The following MYRFL variants were observed in gnomAD, a reference collection of about 807,000 sequenced individuals.
MYRFL encodes myelin regulatory factor like.
In MYRFL, 88 loss-of-function variants were observed where a neutral mutation model predicts 109.4. That is an observed-to-expected ratio of 0.80 (90% CI 0.68 to 0.96). MYRFL has a LOEUF of 0.96. Among genes scored for constraint, MYRFL ranks in the 40% least tolerant of loss-of-function variants. The pLI, the probability that MYRFL is intolerant of heterozygous loss-of-function variation, is 0.00. For missense variants in MYRFL, 957 were observed against 954.9 expected, an observed-to-expected ratio of 1.00 and a Z score of -0.03; for synonymous variants, 324 against 320.9, an observed-to-expected ratio of 1.01 and a Z score of -0.10.
intron 15 of MYRFL, among the ~76,000 whole-genome samples, chr12:69,931,960 A>G (rs1430389773): frequency 6.6e-6 from 1 of 152,266 alleles, no homozygotes. Context: ...ATGAGAACAA[A>G]TAAGACACAG....
At position 69,957,827 on chromosome 12, in the gene MYRFL, C is replaced by T. The variant is rs1317069209; in HGVS notation, c.2456C>T (p.Thr819Ile). The T allele has an allele frequency of 6.5e-7, 1 of 1,529,946 alleles. No individual in the cohort carries two copies. Among genetic ancestry groups the T allele is most frequent in the Non-Finnish European group, 8.8e-7 (1 of 1,142,194 alleles). 94.8% of individuals were successfully genotyped at this position (1,529,946 alleles called of 1,614,324 possible). A position where few individuals can be genotyped will look rare whatever the true frequency, so the allele number is the denominator to read the frequency against. The change falls in exon 23 of 25, where the codon ACA (threonine) becomes ATA (isoleucine). Residue 819 changes from threonine (T) to isoleucine (I), a missense_variant. By Grantham distance (89) the Thr-to-Ile change is moderately conservative. Transcript: ENST00000552032. ...CTTTTCTTTGTCTCTTGAAGCACAA[C>T]AGAGCCATTGATAGTCTTCCAGTGC... ...NVKFSLEINTTEPLIVFQCKF... is the reference protein window; with the variant it reads ...NVKFSLEINTIEPLIVFQCKF...
Position 69,958,620 on chromosome 12 carries a change from T to C in MYRFL, c.*89T>C. Reference sequence around the variant, plus strand: ...CATCCTCTTGCAACTTCTTTTTTCTTCTTTGTAAAACATTTACGTTTATTG... The same window carrying C: ...CATCCTCTTGCAACTTCTTTTTTCTCCTTTGTAAAACATTTACGTTTATTG... On this transcript the variant is annotated 3_prime_UTR_variant, in exon 25 of 25. Transcript: ENST00000552032. The C allele has an allele frequency of 1.0e-6, 1 of 994,148 alleles. No individual in the cohort carries two copies. The highest frequency in any genetic ancestry group is 1.6e-5 in the South Asian group (1 of 63,392). 61.6% of individuals were successfully genotyped at this position (994,148 alleles called of 1,614,324 possible). A position where few individuals can be genotyped will look rare whatever the true frequency, so the allele number is the denominator to read the frequency against.
intron 13 of MYRFL, among the ~76,000 whole-genome samples, chr12:69,922,323 A>G (rs10161098): frequency 0.12 from 17,884 of 152,170 alleles, 1,437 homozygotes; most frequent in African/African-American, 0.23. Context: ...CTATCTTCAT[A>G]ATTTCTGCCT....
intron 8 of MYRFL, among the ~76,000 whole-genome samples, 192 bp from the exon 9 acceptor site, chr12:69,895,179 C>T (rs1409826665): frequency 6.6e-6 from 1 of 152,166 alleles, no homozygotes; most frequent in Non-Finnish European, 1.5e-5. Flanking sequence ...TATTCCATGG[C>T]CTTCCTGGCA....
chr12:69,878,242 C>CAAAAAAA lies in MYRFL; in HGVS notation c.138-774_138-768dup, dbSNP rs60069243. On this transcript the variant is annotated intron_variant, in intron 2 of 24. Transcript: ENST00000552032. ...TGGGTAACAGAGCAAGACTCCATCTCAAAAAAAAAAAAAAAAAATTACTTG... is the reference window on the plus strand; with the variant it reads ...TGGGTAACAGAGCAAGACTCCATCTCAAAAAAAAAAAAAAAAAAAAAAAAATTACTTG... 3.3e-3 allele frequency among the ~76,000 whole-genome samples: 374 copies of CAAAAAAA among 112,580 alleles called. 6 individuals carry two copies. Among genetic ancestry groups the CAAAAAAA allele is most frequent in the African/African-American group, 6.6e-3 (193 of 29,186 alleles). The allele number at this position is 112,580 out of a possible 152,430, so 73.9% of individuals were successfully genotyped here.
chr12:69,878,204 C>T (rs1885807392), intron 2 of MYRFL, among the ~76,000 whole-genome samples: 1 of 142,184 alleles, frequency 7.0e-6, no homozygotes, highest in African/African-American at 2.6e-5. Flanking sequence ...AATCATGTCA[C>T]TGTACTCCAG....
At chr12:69,842,855 A>G (rs1453644360) in intron 1 of MYRFL, among the ~76,000 whole-genome samples, 1 of 152,198 alleles carries the variant, frequency 6.6e-6, no homozygotes, top group African/African-American at 2.4e-5. Flanking sequence ...ATCCAAGCAC[A>G]CGTTCATCAT....
chr12:69,827,644 A>C (rs549277877), intron 1 of MYRFL, among the ~76,000 whole-genome samples: 6 of 152,248 alleles, frequency 3.9e-5, no homozygotes, highest in African/African-American at 1.4e-4. Context: ...AATAACTAAA[A>C]ATTGGTTACA....
At chr12:69,833,735 A>G (rs1353654874) in intron 1 of MYRFL, among the ~76,000 whole-genome samples, 1 of 151,542 alleles carries the variant, frequency 6.6e-6, no homozygotes, top group Non-Finnish European at 1.5e-5. Flanking sequence ...GTCCCTATCC[A>G]CTGTGCACAT....
At chr12:69,853,376 G>T (rs1373314493) in intron 1 of MYRFL, among the ~76,000 whole-genome samples, 1 of 150,770 alleles carries the variant, frequency 6.6e-6, no homozygotes, top group Non-Finnish European at 1.5e-5. Context: ...CTGCCGGGCG[G>T]AGGGGCTCCT....
At chr12:69,843,007 G>A (rs1883333851) in intron 1 of MYRFL, among the ~76,000 whole-genome samples, 1 of 152,192 alleles carries the variant, frequency 6.6e-6, no homozygotes, top group Non-Finnish European at 1.5e-5. Flanking sequence ...GTTAATTAAT[G>A]ATTGGTAATA....
rs142613249 is a variant in MYRFL, at chr12:69,932,682, G to T, written c.1916+84G>T. The stretch of plus-strand genomic sequence containing the variant: ...TTTATCACATATGAACTGGGGACTG[G>T]CCTGTTTACTTTGAAGACAAGAAGC... On this transcript the variant is annotated intron_variant, in intron 16 of 24. Transcript: ENST00000552032. The T allele has an allele frequency of 1.6e-3, 1,631 of 1,009,622 alleles. 14 individuals are homozygous for T. In the African/African-American group the frequency reaches 0.022, roughly 14 times the overall value. 62.5% of individuals were successfully genotyped at this position (1,009,622 alleles called of 1,614,324 possible).
chr12:69,901,883 G>GTTTT (rs1274815385), intron 10 of MYRFL, among the ~76,000 whole-genome samples: 2 of 75,336 alleles, frequency 2.7e-5, no homozygotes, highest in Non-Finnish European at 6.2e-5. Flanking sequence ...TTTCACTGCT[G>GTTTT]TTTTTTTTTG....
At chr12:69,950,086 T>C (rs1441583035) in intron 19 of MYRFL, among the ~76,000 whole-genome samples, 2 of 151,276 alleles carry the variant, frequency 1.3e-5, no homozygotes, top group African/African-American at 4.9e-5. Context: ...GTTCAAGTTA[T>C]TAAGCAATTG....
At chr12:69,954,879 A>T (rs1279568307) in intron 21 of MYRFL, among the ~76,000 whole-genome samples, 1 of 152,210 alleles carries the variant, frequency 6.6e-6, no homozygotes, top group Non-Finnish European at 1.5e-5. Context: ...TTAGAATTAT[A>T]ACAATTTTAG....
At chr12:69,911,531 T>G (rs1480846241) in intron 13 of MYRFL, among the ~76,000 whole-genome samples, 1 of 152,216 alleles carries the variant, frequency 6.6e-6, no homozygotes, top group Non-Finnish European at 1.5e-5. Context: ...AATTCTTTGA[T>G]ATTCAAATCA....
At chr12:69,922,155 G>A (rs909654540) in intron 13 of MYRFL, among the ~76,000 whole-genome samples, 4 of 152,136 alleles carry the variant, frequency 2.6e-5, no homozygotes, top group East Asian at 1.9e-4. Flanking sequence ...TAGAGAGGAC[G>A]GCTGGAAATC....
rs1414967843 is a variant in MYRFL, at chr12:69,835,468, G to C, written c.46+9905G>C. On this transcript the variant is annotated intron_variant, in intron 1 of 24. Coordinates refer to ENST00000552032, the MANE Select transcript of MYRFL (RefSeq NM_182530.3). ...CTCATATATTTAACCGCTCATAAAA[G>C]CATGCATGGGAAACAGTTTCTTAAT... Among the ~76,000 whole-genome samples the C allele has an allele frequency of 2.0e-5, 3 of 152,256 alleles. No individual in the cohort carries two copies. In the East Asian group the frequency reaches 5.8e-4, roughly 29 times the overall value.
rs977469740 is a variant in MYRFL, at chr12:69,878,925, C to A, written c.138-103C>A. The A allele has an allele frequency of 4.4e-6, 3 of 688,722 alleles. No homozygotes were observed. In the Admixed American group the frequency reaches 6.1e-5, roughly 14 times the overall value. 42.7% of individuals were successfully genotyped at this position (688,722 alleles called of 1,614,324 possible). A position where few individuals can be genotyped will look rare whatever the true frequency, so the allele number is the denominator to read the frequency against. On this transcript the variant is annotated intron_variant, in intron 2 of 24. Transcript: ENST00000552032. ...ACCCCCCCATGCCCAGCACCTGGAACCATCACTGTGGGGGCTGTACACTGA... is the reference window on the plus strand; with the variant it reads ...ACCCCCCCATGCCCAGCACCTGGAAACATCACTGTGGGGGCTGTACACTGA...
Sources: allele counts gnomAD v4.1 joint callset (sites outside exome capture counted in the v4.1 genomes callset), GRCh38; gene constraint gnomAD v4.1.1; transcripts MANE v1.5; gene names NCBI Gene and HGNC (gene_info 2026-07-23, HGNC 2026-07-21).